The following PACRGL variants were observed in gnomAD, a reference collection of about 807,000 sequenced individuals.
PACRGL encodes PACRG-like protein.
In PACRGL, 38 loss-of-function variants were observed where a neutral mutation model predicts 34.5. That is an observed-to-expected ratio of 1.10 (90% CI 0.85 to 1.44). The LOEUF is 1.44. Ranked by LOEUF, PACRGL falls within the 40% of genes most tolerant of loss-of-function variation. PACRGL has a pLI of 0.00. For missense variants in PACRGL, 305 were observed against 281.4 expected (o/e 1.08, Z -0.60); for synonymous variants, 128 against 100.1 (o/e 1.28, Z -1.66).
At chr4:20,720,998 A>G (rs994540748) in intron 7 of PACRGL, among the ~76,000 whole-genome samples, 2 of 151,982 alleles carry the variant, frequency 1.3e-5, no homozygotes, top group African/African-American at 2.4e-5. Context: ...ACATAGTTCC[A>G]TATTTCTTGG....
intron 1 of PACRGL, chr4:20,701,488 T>C (rs1323249145): frequency 6.1e-6 from 1 of 163,934 alleles, no homozygotes; most frequent in East Asian, 1.7e-4. Flanking sequence ...GTGACCTTGA[T>C]AATATTTGTA....
At chr4:20,742,394 G>A (rs967766759) in intron 8 of PACRGL, among the ~76,000 whole-genome samples, 1 of 152,114 alleles carries the variant, frequency 6.6e-6, no homozygotes, top group African/African-American at 2.4e-5. Flanking sequence ...TCATCCCTGG[G>A]ATGCAAGGCT....
intron 7 of PACRGL, among the ~76,000 whole-genome samples, chr4:20,713,881 G>A (rs1360442098): frequency 2.6e-5 from 4 of 152,126 alleles, no homozygotes; most frequent in African/African-American, 9.7e-5. Context: ...TATGATTTCT[G>A]TTCTTTTACA....
the PACRGL span, among the ~76,000 whole-genome samples, chr4:20,765,001 A>T: frequency 6.6e-6 from 1 of 152,194 alleles, no homozygotes; most frequent in African/African-American, 2.4e-5. Flanking sequence ...GAGGACAATG[A>T]GCTTGGAGAG....
the PACRGL span, among the ~76,000 whole-genome samples, chr4:20,759,157 A>G: frequency 6.6e-6 from 1 of 152,216 alleles, no homozygotes; most frequent in Non-Finnish European, 1.5e-5. Flanking sequence ...TGCTTTTAAG[A>G]ACACATATGT....
downstream of PACRGL, among the ~76,000 whole-genome samples, chr4:20,755,961 ACT>A (rs139170676): frequency 9.2e-4 from 140 of 152,042 alleles, no homozygotes; most frequent in African/African-American, 3.3e-3. Flanking sequence ...TTTGTAGGCC[ACT>A]CTGTAGGTTG....
chr4:20,701,675 T>G (rs1732226552), intron 1 of PACRGL: 1 of 334,874 alleles, frequency 3.0e-6, no homozygotes, highest in Non-Finnish European at 6.0e-6. Context: ...CAGGTGGATA[T>G]TATTTTAAAA....
intron 3 of PACRGL, among the ~76,000 whole-genome samples, chr4:20,706,510 A>G (rs984209906): frequency 6.6e-6 from 1 of 152,202 alleles, no homozygotes; most frequent in Non-Finnish European, 1.5e-5. Flanking sequence ...AGCAGAAATT[A>G]TAACTAGATG....
At position 20,729,158 on chromosome 4, in the gene PACRGL, G is replaced by A. The variant is rs535462444; in HGVS notation, c.*1817G>A. On this transcript the variant is annotated 3_prime_UTR_variant, in exon 9 of 9. Coordinates refer to ENST00000503585, the MANE Select transcript of PACRGL (RefSeq NM_001258345.3). ...TGTAATATAAATAAACATGCTGTAA[G>A]GAAGTCAGGGGAAAGAGGACAGATT... The A allele has an allele frequency of 1.3e-5, 2 of 152,596 alleles. No individual in the cohort carries two copies. Among genetic ancestry groups the A allele is most frequent in the South Asian group, 4.1e-4 (2 of 4,822 alleles). 9.5% of individuals were successfully genotyped at this position (152,596 alleles called of 1,614,324 possible).
chr4:20,713,009 T>C (rs1037545616), intron 6 of PACRGL, 87 bp downstream of exon 6: 156 of 1,298,078 alleles, frequency 1.2e-4, no homozygotes, highest in Middle Eastern at 2.1e-4. Context: ...TATGCCTTTT[T>C]CCCTCCATAT....
intron 1 of PACRGL, chr4:20,702,293 G>A (rs751039464): frequency 4.3e-5 from 19 of 444,140 alleles, no homozygotes; most frequent in African/African-American, 1.4e-4. Flanking sequence ...TTGTGGGTAC[G>A]CGTCTTTGCT....
In PACRGL at chr4:20,713,511, A is replaced by T; in HGVS notation, c.581A>T (p.Asn194Ile). Residue 194 changes from asparagine (N) to isoleucine (I), a missense_variant, in exon 7 of 9, where the codon AAC becomes ATC. Physicochemically the swap from Asn to Ile is moderately radical, Grantham distance 149 (BLOSUM62 -3). Transcript: ENST00000503585. ...QLSVVVGPSL[N>I]DHLKHLLTSL... ...AGTGTCGTTGTTGGTCCTTCTCTAA[A>T]CGACCATCTGAAGCATCTGCTTACA... 1 of 1,613,256 alleles carries T rather than the reference A, an allele frequency of 6.2e-7. No homozygotes were observed. The highest frequency in any genetic ancestry group is 8.5e-7 in the Non-Finnish European group (1 of 1,179,392).
chr4:20,741,759 C>G (rs371622889), intron 8 of PACRGL, among the ~76,000 whole-genome samples: 5 of 151,982 alleles, frequency 3.3e-5, no homozygotes, highest in Non-Finnish European at 5.9e-5. Flanking sequence ...AAAAACCCTT[C>G]AAAAAATCAA....
downstream of PACRGL, among the ~76,000 whole-genome samples, chr4:20,734,319 G>A (rs139640899): frequency 2.3e-3 from 353 of 152,220 alleles, 8 homozygotes; most frequent in South Asian, 0.046. Context: ...CAGGCTAAAT[G>A]TTGAAACATG....
chr4:20,743,462 A>G (rs1306673389), intron 8 of PACRGL, among the ~76,000 whole-genome samples: 1 of 152,070 alleles, frequency 6.6e-6, no homozygotes. Flanking sequence ...CGGAAATAAT[A>G]CCACACATCT....
intron 8 of PACRGL, among the ~76,000 whole-genome samples, chr4:20,726,959 G>C (rs947484251): frequency 6.6e-6 from 1 of 152,068 alleles, no homozygotes; most frequent in Non-Finnish European, 1.5e-5. Context: ...GGGAGATTTT[G>C]TTGTTATCTC....
At chr4:20,717,501 A>G (rs1301058369) in intron 7 of PACRGL, among the ~76,000 whole-genome samples, 1 of 152,104 alleles carries the variant, frequency 6.6e-6, no homozygotes, top group African/African-American at 2.4e-5. Context: ...ATCTTGAATT[A>G]ATTTTTGTAT....
chr4:20,723,664 A>G lies in PACRGL; in HGVS notation c.610-1144A>G, dbSNP rs113890597. ...GTTGTATACATTTGTTTTGTTTTCT[A>G]ATCTTTCTGGGTCAGTGGCGTTTAT... On this transcript the variant is annotated intron_variant, in intron 7 of 8. Coordinates refer to ENST00000503585, the MANE Select transcript of PACRGL (RefSeq NM_001258345.3). Among the ~76,000 whole-genome samples the G allele has an allele frequency of 7.1e-3, 1,084 of 152,232 alleles. 15 individuals carry two copies. The highest frequency in any genetic ancestry group is 0.024 in the African/African-American group (999 of 41,540).
chr4:20,715,439 TAAAA>T (rs528577998), intron 7 of PACRGL, among the ~76,000 whole-genome samples: 14 of 151,572 alleles, frequency 9.2e-5, no homozygotes, highest in African/African-American at 2.7e-4. Flanking sequence ...TAAAATAAAA[TAAAA>T]AAAACCTTAA....
Sources: allele counts gnomAD v4.1 joint callset (sites outside exome capture counted in the v4.1 genomes callset), GRCh38; gene constraint gnomAD v4.1.1; transcripts MANE v1.5; gene names NCBI Gene and HGNC (gene_info 2026-07-23, HGNC 2026-07-21).